Variants in KCNMB2 observed in about 807,000 individuals in gnomAD.
The protein encoded by KCNMB2 is calcium-activated potassium channel subunit beta-2.
KCNMB2 carries 9 observed loss-of-function variants against 24.5 expected under a neutral mutation model. The ratio of observed to expected loss-of-function variants is 0.37; its 90% confidence interval spans 0.22 to 0.64. KCNMB2 has a LOEUF of 0.64. Among genes scored for constraint, KCNMB2 ranks in the 30% least tolerant of loss-of-function variants. The probability of loss-of-function intolerance (pLI) is 0.63; values close to 1 mark genes in which losing one functional copy is unlikely to be tolerated. For synonymous variants in KCNMB2, 109 were observed against 104.4 expected (o/e 1.04, Z -0.27); for missense variants, 226 against 284.3 (o/e 0.79, Z 1.47).
chr3:178,614,627 G>A (rs576865564), intron 1 of KCNMB2, among the ~76,000 whole-genome samples: 2 of 151,980 alleles, frequency 1.3e-5, no homozygotes, highest in Non-Finnish European at 2.9e-5. Context: ...TGAGATTTGG[G>A]TGGGGACACA....
chr3:178,768,323 A>T (rs1456644793), intron 1 of KCNMB2, among the ~76,000 whole-genome samples: 2 of 151,960 alleles, frequency 1.3e-5, no homozygotes, highest in Non-Finnish European at 2.9e-5. Flanking sequence ...GACCAAGATC[A>T]TTACACTCAT....
intron 1 of KCNMB2, among the ~76,000 whole-genome samples, chr3:178,712,930 T>A (rs1722500466): frequency 6.6e-6 from 1 of 152,224 alleles, no homozygotes; most frequent in South Asian, 2.1e-4. Flanking sequence ...AATAGAAAGT[T>A]AAAGCAACTG....
intron 1 of KCNMB2, among the ~76,000 whole-genome samples, chr3:178,724,692 G>A (rs1170950622): frequency 6.6e-6 from 1 of 152,104 alleles, no homozygotes; most frequent in African/African-American, 2.4e-5. Flanking sequence ...ATGGTGAGAG[G>A]TAGGGGTCCA....
chr3:178,759,139 G>GATATAT (rs201505124), intron 1 of KCNMB2, among the ~76,000 whole-genome samples: 7 of 17,438 alleles, frequency 4.0e-4, no homozygotes, highest in Non-Finnish European at 6.0e-4. Context: ...CTCCAAGAGG[G>GATATAT]ATATATATAT....
chr3:178,596,209 T>G (rs1329998404), intron 1 of KCNMB2, among the ~76,000 whole-genome samples: 1 of 152,114 alleles, frequency 6.6e-6, no homozygotes, highest in Non-Finnish European at 1.5e-5. Flanking sequence ...ACTCACACAT[T>G]CCCATGCATC....
At chr3:178,736,657 G>C (rs1381841472) in intron 1 of KCNMB2, among the ~76,000 whole-genome samples, 1 of 152,140 alleles carries the variant, frequency 6.6e-6, no homozygotes, top group Non-Finnish European at 1.5e-5. Context: ...TAGAAACATA[G>C]ACCCCAAAGG....
Position 178,681,523 on chromosome 3 carries a change from C to T in KCNMB2, c.-67-125820C>T, listed in dbSNP as rs116533631. Reference sequence around the variant, plus strand: ...CAAGGCATATTAATACACATTGTTTCATTTAGACTTTGGTTCTTACAACAA... The same window carrying T: ...CAAGGCATATTAATACACATTGTTTTATTTAGACTTTGGTTCTTACAACAA... On this transcript the variant is annotated intron_variant, in intron 1 of 4. Transcript: ENST00000452583. 7.5e-3 allele frequency among the ~76,000 whole-genome samples: 1,148 copies of T among 152,262 alleles called. 15 individuals are homozygous for T. The highest frequency in any genetic ancestry group is 0.027 in the African/African-American group (1,113 of 41,550).
chr3:178,582,872 C>T (rs971636661), intron 1 of KCNMB2, among the ~76,000 whole-genome samples: 3 of 152,120 alleles, frequency 2.0e-5, no homozygotes, highest in African/African-American at 4.8e-5. Context: ...GGATTAAATA[C>T]TATTTTTACC....
chr3:178,694,931 G>A (rs1721821017), intron 1 of KCNMB2, among the ~76,000 whole-genome samples: 1 of 152,232 alleles, frequency 6.6e-6, no homozygotes, highest in South Asian at 2.1e-4. Context: ...GTGCCCCAGT[G>A]GGAACTCTGT....
chr3:178,705,824 C>T (rs1722259960), intron 1 of KCNMB2, among the ~76,000 whole-genome samples: 1 of 152,080 alleles, frequency 6.6e-6, no homozygotes, highest in Non-Finnish European at 1.5e-5. Context: ...GCCATCTCCT[C>T]CAGGAAACAG....
At chr3:178,771,760 G>A (rs758861327) in intron 1 of KCNMB2, among the ~76,000 whole-genome samples, 2 of 151,906 alleles carry the variant, frequency 1.3e-5, no homozygotes, top group African/African-American at 2.4e-5. Flanking sequence ...TTTGCCATTC[G>A]CCTGCCTTGA....
chr3:178,587,833 A>G (rs1717506524), intron 1 of KCNMB2, among the ~76,000 whole-genome samples: 1 of 149,252 alleles, frequency 6.7e-6, no homozygotes, highest in East Asian at 2.0e-4. Context: ...GGTGTGCTGC[A>G]CCCATTAACT....
At chr3:178,590,711 C>T (rs1428893950) in intron 1 of KCNMB2, among the ~76,000 whole-genome samples, 4 of 152,140 alleles carry the variant, frequency 2.6e-5, no homozygotes, top group African/African-American at 7.2e-5. Flanking sequence ...TGCCTTGAGC[C>T]ATACAGCTTG....
chr3:178,698,366 G>T (rs1284616353), intron 1 of KCNMB2, among the ~76,000 whole-genome samples: 1 of 151,962 alleles, frequency 6.6e-6, no homozygotes, highest in Non-Finnish European at 1.5e-5. Flanking sequence ...ATTTCAGAAA[G>T]CCAATCTTCA....
At chr3:178,629,089 A>G (rs528597231) in intron 1 of KCNMB2, among the ~76,000 whole-genome samples, 1 of 152,242 alleles carries the variant, frequency 6.6e-6, no homozygotes, top group South Asian at 2.1e-4. Flanking sequence ...ATGGCTCCTA[A>G]TTATCTACAT....
At chr3:178,655,513 C>T (rs1161899333) in intron 1 of KCNMB2, among the ~76,000 whole-genome samples, 6 of 152,198 alleles carry the variant, frequency 3.9e-5, no homozygotes, top group Non-Finnish European at 8.8e-5. Context: ...AAGAATTAAA[C>T]ACCCACAAGG....
intron 1 of KCNMB2, among the ~76,000 whole-genome samples, chr3:178,557,908 A>C (rs1332868645): frequency 1.3e-5 from 2 of 152,288 alleles, no homozygotes; most frequent in East Asian, 3.9e-4. Context: ...GAGACATTGA[A>C]ACGAAACCTT....
chr3:178,620,168 A>C (rs551486751), intron 1 of KCNMB2, among the ~76,000 whole-genome samples: 25 of 152,198 alleles, frequency 1.6e-4, no homozygotes, highest in Non-Finnish European at 2.2e-4. Flanking sequence ...CCCTCAAAGT[A>C]ATATTTTTAA....
Position 178,780,045 on chromosome 3 carries a change from GT to G in KCNMB2, c.-67-27290del, listed in dbSNP as rs1227616665. Among the ~76,000 whole-genome samples, 312 of 93,176 alleles carry G rather than the reference GT, an allele frequency of 3.3e-3. 1 individual carries two copies. Among genetic ancestry groups the G allele is most frequent in the African/African-American group, 0.011 (282 of 25,912 alleles). 61.1% of individuals were successfully genotyped at this position (93,176 alleles called of 152,430 possible). A position where few individuals can be genotyped will look rare whatever the true frequency, so the allele number is the denominator to read the frequency against. On this transcript the variant is annotated intron_variant, in intron 1 of 4. Coordinates refer to ENST00000452583, the MANE Select transcript of KCNMB2 (RefSeq NM_181361.3). ...ATCTTCTAATGGTGACCAATTAGTT[GT>G]TTTTTTTAAAAAAAAAAAAAAAAAA...
Sources: allele counts gnomAD v4.1 joint callset (sites outside exome capture counted in the v4.1 genomes callset), GRCh38; gene constraint gnomAD v4.1.1; transcripts MANE v1.5; gene names NCBI Gene and HGNC (gene_info 2026-07-23, HGNC 2026-07-21).